ENTREP2: variants seen among roughly 807,000 people sequenced by gnomAD.
The protein encoded by ENTREP2 is protein ENTREP2.
At chr15:29,371,239 A>T in the ENTREP2 span, among the ~76,000 whole-genome samples, 1 of 152,026 alleles carries the variant, frequency 6.6e-6, no homozygotes, top group Non-Finnish European at 1.5e-5. Context: ...CAGTCAGCAC[A>T]ACAGAGCTCC....
chr15:29,545,429 C>T, the ENTREP2 span, among the ~76,000 whole-genome samples: 1 of 152,154 alleles, frequency 6.6e-6, no homozygotes, highest in Non-Finnish European at 1.5e-5. Context: ...TAACAGAAAA[C>T]ATTATCCTAT....
the ENTREP2 span, among the ~76,000 whole-genome samples, chr15:29,346,035 G>A: frequency 1.2e-4 from 19 of 152,286 alleles, no homozygotes; most frequent in South Asian, 3.9e-3. Flanking sequence ...AACTTTCTGA[G>A]GCTGCCCAGC....
the ENTREP2 span, among the ~76,000 whole-genome samples, chr15:29,414,505 T>C: frequency 1.3e-5 from 2 of 152,084 alleles, no homozygotes; most frequent in Admixed American, 6.6e-5. Flanking sequence ...AAGCAGTGTG[T>C]AGAGGGAAAT....
At chr15:29,548,363 C>T in the ENTREP2 span, among the ~76,000 whole-genome samples, 3 of 149,226 alleles carry the variant, frequency 2.0e-5, no homozygotes, top group Non-Finnish European at 4.4e-5. Flanking sequence ...GGCTGAGACA[C>T]GAGAATTGCT....
the ENTREP2 span, among the ~76,000 whole-genome samples, chr15:29,439,266 G>A: frequency 3.4e-5 from 5 of 146,516 alleles, no homozygotes; most frequent in Admixed American, 7.0e-5. Flanking sequence ...GCATCTTATA[G>A]TGCTAGAAAA....
chr15:29,120,246 C>G, the ENTREP2 span: 1 of 152,138 alleles, frequency 6.6e-6, no homozygotes, highest in Non-Finnish European at 1.5e-5. Flanking sequence ...ACCTCAGAGA[C>G]ACAGAGGCCA....
At chr15:29,293,085 T>C in the ENTREP2 span, among the ~76,000 whole-genome samples, 2 of 152,278 alleles carry the variant, frequency 1.3e-5, no homozygotes, top group South Asian at 4.1e-4. Context: ...TGGCCCAACA[T>C]CCACTGCTTA....
the ENTREP2 span, among the ~76,000 whole-genome samples, chr15:29,151,222 C>T: frequency 6.6e-6 from 1 of 152,116 alleles, no homozygotes; most frequent in Admixed American, 6.5e-5. Flanking sequence ...GACAGGTCTT[C>T]TTGTGTATGA....
chr15:29,573,644 C>G, the ENTREP2 span, among the ~76,000 whole-genome samples: 6 of 148,000 alleles, frequency 4.1e-5, no homozygotes, highest in African/African-American at 1.5e-4. Flanking sequence ...TCTCTCTCCC[C>G]CCCTCTCTCT....
chr15:29,618,380 G>A, the ENTREP2 span, among the ~76,000 whole-genome samples: 6 of 149,310 alleles, frequency 4.0e-5, no homozygotes, highest in Non-Finnish European at 8.9e-5. Context: ...CTGAGATCAC[G>A]CCATTGCACT....
chr15:29,307,264 T>C, the ENTREP2 span, among the ~76,000 whole-genome samples: 40 of 150,562 alleles, frequency 2.7e-4, no homozygotes, highest in Admixed American at 2.4e-3. Context: ...TTTTAAAAGC[T>C]GATCATGTCA....
the ENTREP2 span, among the ~76,000 whole-genome samples, chr15:29,448,773 G>A: frequency 6.6e-6 from 1 of 152,170 alleles, no homozygotes; most frequent in African/African-American, 2.4e-5. Flanking sequence ...TGCTCAACCA[G>A]GTGAATCAAA....
chr15:29,507,060 G>T, the ENTREP2 span, among the ~76,000 whole-genome samples: 84 of 151,640 alleles, frequency 5.5e-4, no homozygotes, highest in African/African-American at 2.0e-3. Context: ...GACGGAGGAA[G>T]ATTTACCAAG....
chr15:29,428,869 G>T, the ENTREP2 span, among the ~76,000 whole-genome samples: 1 of 152,128 alleles, frequency 6.6e-6, no homozygotes, highest in Non-Finnish European at 1.5e-5. Flanking sequence ...ATATAGTCAC[G>T]GATCACCAGT....
chr15:29,356,107 A>G, the ENTREP2 span, among the ~76,000 whole-genome samples: 1 of 148,772 alleles, frequency 6.7e-6, no homozygotes, highest in African/African-American at 2.6e-5. Flanking sequence ...CTCTATTCTT[A>G]AAACAAGTGC....
At chr15:29,245,625 TATA>T in the ENTREP2 span, among the ~76,000 whole-genome samples, 1 of 150,864 alleles carries the variant, frequency 6.6e-6, no homozygotes, top group Non-Finnish European at 1.5e-5. Context: ...ATATAATATA[TATA>T]ATATGTAAAT....
chr15:29,427,806 T>C, the ENTREP2 span, among the ~76,000 whole-genome samples: 1 of 152,172 alleles, frequency 6.6e-6, no homozygotes, highest in Admixed American at 6.6e-5. Flanking sequence ...TGGACATCAG[T>C]GGGGTTGGGG....
chr15:29,639,631 C>T, the ENTREP2 span, among the ~76,000 whole-genome samples: 3 of 151,812 alleles, frequency 2.0e-5, no homozygotes, highest in Non-Finnish European at 4.4e-5. Context: ...CACAGTAAGA[C>T]ACTGTGAAAG....
chr15:29,584,770 C>A, the ENTREP2 span, among the ~76,000 whole-genome samples: 6 of 152,080 alleles, frequency 3.9e-5, no homozygotes, highest in African/African-American at 1.4e-4. Context: ...GTTAATAACA[C>A]TGTATTTTGT....
Sources: allele counts gnomAD v4.1 joint callset (sites outside exome capture counted in the v4.1 genomes callset), GRCh38; gene constraint gnomAD v4.1.1; transcripts MANE v1.5; gene names NCBI Gene and HGNC (gene_info 2026-07-23, HGNC 2026-07-21).